Variants in NRXN3 observed in about 807,000 individuals in gnomAD.
NRXN3 encodes the protein neurexin III.
A neutral mutation model predicts 137.6 loss-of-function variants in NRXN3; 32 were observed. The ratio of observed to expected loss-of-function variants is 0.23; its 90% CI spans 0.18 to 0.31. The LOEUF is 0.31. Ranked by LOEUF, NRXN3 falls within the 10% of genes least tolerant of loss-of-function variation. NRXN3 has a pLI of 1.00. For missense variants in NRXN3, 1,574 were observed against 2,062.5 expected (o/e 0.76, Z 4.59); for synonymous variants, 798 against 784.5 (o/e 1.02, Z -0.29).
intron 15 of NRXN3, among the ~76,000 whole-genome samples, chr14:79,324,339 T>C (rs2090536725): frequency 6.6e-6 from 1 of 152,246 alleles, no homozygotes. Flanking sequence ...TACACTCATT[T>C]TCAGGGAAGC....
intron 4 of NRXN3, among the ~76,000 whole-genome samples, chr14:78,305,657 A>T (rs2077295281): frequency 1.3e-5 from 2 of 152,212 alleles, no homozygotes; most frequent in African/African-American, 4.8e-5. Context: ...TACTGCCTTG[A>T]TAGCCAACTG....
At chr14:78,765,726 T>G (rs1040953535) in intron 8 of NRXN3, among the ~76,000 whole-genome samples, 12 of 142,266 alleles carry the variant, frequency 8.4e-5, no homozygotes, top group African/African-American at 1.7e-4. Context: ...TAAATGTTGA[T>G]ATATATATAT....
At chr14:78,352,618 A>C (rs2083702581) in intron 4 of NRXN3, among the ~76,000 whole-genome samples, 1 of 152,302 alleles carries the variant, frequency 6.6e-6, no homozygotes, top group South Asian at 2.1e-4. Flanking sequence ...TTGTGCGGAC[A>C]TCAGGGCACA....
chr14:78,674,860 C>T (rs1356435812), intron 6 of NRXN3, among the ~76,000 whole-genome samples: 1 of 152,174 alleles, frequency 6.6e-6, no homozygotes, highest in Non-Finnish European at 1.5e-5. Flanking sequence ...GAAAACATTC[C>T]TCAGTCTTCA....
At chr14:78,945,028 G>GA (rs1159243870) in intron 10 of NRXN3, among the ~76,000 whole-genome samples, 1 of 152,138 alleles carries the variant, frequency 6.6e-6, no homozygotes, top group Non-Finnish European at 1.5e-5. Context: ...AAGTTAAAAT[G>GA]ACAGGACTAT....
At chr14:79,494,040 A>G (rs1167468445) in intron 16 of NRXN3, among the ~76,000 whole-genome samples, 2 of 152,160 alleles carry the variant, frequency 1.3e-5, no homozygotes, top group Admixed American at 6.5e-5. Flanking sequence ...TGTTTCTTGA[A>G]TGAATGTATA....
chr14:78,487,569 C>A (rs2095583511), intron 4 of NRXN3, among the ~76,000 whole-genome samples: 1 of 151,872 alleles, frequency 6.6e-6, no homozygotes, highest in African/African-American at 2.4e-5. Flanking sequence ...ATGGTGAAAC[C>A]CCGTCTCTAC....
intron 16 of NRXN3, among the ~76,000 whole-genome samples, chr14:79,524,766 A>G (rs527587124): frequency 1.3e-5 from 2 of 152,316 alleles, no homozygotes; most frequent in South Asian, 2.1e-4. Context: ...TATACACAGG[A>G]GCCTTCAAAA....
chr14:79,737,978 A>T (rs2098948010), intron 19 of NRXN3, among the ~76,000 whole-genome samples: 1 of 152,196 alleles, frequency 6.6e-6, no homozygotes, highest in South Asian at 2.1e-4. Context: ...GAGTGGGTTT[A>T]GACCAACATT....
At chr14:78,369,498 G>A (rs1211033817) in intron 4 of NRXN3, among the ~76,000 whole-genome samples, 1 of 152,080 alleles carries the variant, frequency 6.6e-6, no homozygotes, top group African/African-American at 2.4e-5. Flanking sequence ...AGTTTTTGGT[G>A]TTTCTAATCA....
chr14:79,809,886 G>C (rs1231109072), intron 20 of NRXN3, among the ~76,000 whole-genome samples: 1 of 152,094 alleles, frequency 6.6e-6, no homozygotes, highest in Non-Finnish European at 1.5e-5. Context: ...CCTAGGAAAA[G>C]GATACCCTCA....
rs573661493 is a variant in NRXN3 at position 78,772,682 on chromosome 14, A to G, written c.2045-30938A>G. Among the ~76,000 whole-genome samples the G allele has an allele frequency of 4.3e-4, 66 of 152,248 alleles. 1 individual carries two copies. The highest frequency in any genetic ancestry group is 1.5e-3 in the African/African-American group (63 of 41,550). Reference sequence around the variant, plus strand: ...ATTAAAATGCAGATTCTGATTCACTAGGTCTGGGGTGGGGCCTGGGATTCT... The same window carrying G: ...ATTAAAATGCAGATTCTGATTCACTGGGTCTGGGGTGGGGCCTGGGATTCT... On this transcript the variant is annotated intron_variant, in intron 8 of 20. Coordinates refer to ENST00000335750, the MANE Select transcript of NRXN3 (RefSeq NM_001330195.2).
chr14:78,785,675 A>T (rs1222264516), intron 8 of NRXN3, among the ~76,000 whole-genome samples: 2 of 152,190 alleles, frequency 1.3e-5, no homozygotes, highest in African/African-American at 4.8e-5. Context: ...TAGCCTGCGT[A>T]TGATGCATCC....
intron 8 of NRXN3, among the ~76,000 whole-genome samples, chr14:78,782,147 C>G (rs12879332): frequency 6.6e-6 from 1 of 152,214 alleles, no homozygotes; most frequent in Non-Finnish European, 1.5e-5. Context: ...CCTCCCAGAG[C>G]TAGCAATAAC....
At chr14:78,950,630 GAA>G (rs1567797864) in intron 10 of NRXN3, among the ~76,000 whole-genome samples, 1 of 147,736 alleles carries the variant, frequency 6.8e-6, no homozygotes, top group Non-Finnish European at 1.5e-5. Context: ...AAGGAAGGAA[GAA>G]AAAAGAAGGA....
At chr14:78,576,378 C>T (rs2096936031) in intron 4 of NRXN3, among the ~76,000 whole-genome samples, 2 of 152,032 alleles carry the variant, frequency 1.3e-5, no homozygotes, top group African/African-American at 4.8e-5. Flanking sequence ...TTCAGCCATA[C>T]TTTAAAAAAT....
At chr14:78,990,338 T>C (rs1598296752) in intron 15 of NRXN3, among the ~76,000 whole-genome samples, 1 of 150,384 alleles carries the variant, frequency 6.6e-6, no homozygotes. Flanking sequence ...CATAGATACA[T>C]GCAAATGATG....
In NRXN3 at chr14:78,968,197, C is replaced by G; in HGVS notation, c.2993C>G (p.Ala998Gly). Residue 998 changes from alanine to glycine, a missense_variant, in exon 14 of 21, where the codon GCC becomes GGC. Physicochemically the swap from Ala to Gly is moderately conservative, Grantham distance 60. Transcript: ENST00000335750. Reference protein sequence around the residue: ...LKGDLYMAGLAQGMYSNLPKL... With the variant: ...LKGDLYMAGLGQGMYSNLPKL... Reference sequence around the variant, plus strand: ...GGTGATCTCTATATGGCTGGTCTGGCCCAAGGCATGTACAGCAACCTCCCA... The same window carrying G: ...GGTGATCTCTATATGGCTGGTCTGGGCCAAGGCATGTACAGCAACCTCCCA... 1 of 1,613,562 alleles carries G rather than the reference C, an allele frequency of 6.2e-7. No homozygotes were observed. The highest frequency in any genetic ancestry group is 1.1e-5 in the South Asian group (1 of 91,040).
intron 15 of NRXN3, among the ~76,000 whole-genome samples, chr14:79,002,286 G>C (rs923207916): frequency 6.6e-6 from 1 of 152,144 alleles, no homozygotes; most frequent in East Asian, 1.9e-4. Context: ...CATATACTAC[G>C]GTGGTTTGCT....
Sources: allele counts gnomAD v4.1 joint callset (sites outside exome capture counted in the v4.1 genomes callset), GRCh38; gene constraint gnomAD v4.1.1; transcripts MANE v1.5; gene names NCBI Gene and HGNC (gene_info 2026-07-23, HGNC 2026-07-21).